The following SYNE2 variants were observed in gnomAD, a reference collection of about 807,000 sequenced individuals.
SYNE2 encodes the protein spectrin repeat containing nuclear envelope protein 2.
In SYNE2, 431 loss-of-function variants were observed where a neutral mutation model predicts 856.3. The observed-to-expected ratio is 0.50, with a 90% CI of 0.47 to 0.55. The LOEUF (loss-of-function observed/expected upper bound fraction) is 0.55. Ranked by LOEUF, SYNE2 falls within the 20% of genes least tolerant of loss-of-function variation. The pLI, the probability that SYNE2 is intolerant of heterozygous loss-of-function variation, is 0.00. For synonymous variants in SYNE2, 2,923 were observed against 2,872.3 expected, an observed-to-expected ratio of 1.02 and a Z score of -0.56; for missense variants, 8,129 against 8,023.2, an observed-to-expected ratio of 1.01 and a Z score of -0.50.
chr14:64,163,710 C>T (rs1595921954), intron 89 of SYNE2, 129 bp downstream of exon 89: 2 of 992,728 alleles, frequency 2.0e-6, no homozygotes, highest in African/African-American at 3.2e-5. Flanking sequence ...GAAGCTGCTC[C>T]CAAATGTATA....
chr14:63,851,115 C>A (rs113138960), upstream of SYNE2, among the ~76,000 whole-genome samples: 1 of 152,158 alleles, frequency 6.6e-6, no homozygotes, highest in Non-Finnish European at 1.5e-5. Context: ...GTAATCCCAG[C>A]GCTTGGGGAG....
chr14:64,192,132 C>A (rs1225227183), intron 99 of SYNE2, among the ~76,000 whole-genome samples: 1 of 152,164 alleles, frequency 6.6e-6, no homozygotes, highest in Non-Finnish European at 1.5e-5. Context: ...AGAGGTCTTT[C>A]CCTAGTGAGG....
At chr14:64,192,783 C>T (rs912227844) in intron 99 of SYNE2, among the ~76,000 whole-genome samples, 2 of 152,206 alleles carry the variant, frequency 1.3e-5, no homozygotes, top group African/African-American at 4.8e-5. Flanking sequence ...GGCAGTGTCA[C>T]TTCCCTGACA....
At chr14:63,817,217 T>C (rs1410373311) in intron 1 of SYNE2, among the ~76,000 whole-genome samples, 2 of 152,238 alleles carry the variant, frequency 1.3e-5, no homozygotes, top group Non-Finnish European at 2.9e-5. Context: ...CCCAGCACTT[T>C]AGGAGTCCGA....
chr14:63,960,886 T>TA, intron 8 of SYNE2: 1 of 599,786 alleles, frequency 1.7e-6, no homozygotes, highest in Non-Finnish European at 3.0e-6. Flanking sequence ...CTAAAAAAAA[T>TA]AAAAAATAAG....
chr14:63,941,179 C>G (rs2095910007), intron 3 of SYNE2, among the ~76,000 whole-genome samples: 1 of 152,208 alleles, frequency 6.6e-6, no homozygotes, highest in African/African-American at 2.4e-5. Context: ...TGAACCCAGA[C>G]AGTCTGGACT....
In SYNE2 at chr14:64,113,470, G is replaced by A. The variant is rs886050590; in HGVS notation, c.12739G>A (p.Glu4247Lys). ...VLHACKTQVA[E>K]LELWLQQANV... is the part of the protein sequence containing the mutation. ...GCATGCCTGCAAGACCCAGGTGGCC[G>A]AGCTGGAGCTGTGGCTGCAACAAGC... The change falls in exon 66 of 116, where the codon GAG (glutamate) becomes AAG (lysine). Residue 4247 changes from glutamate (E) to lysine (K), a missense_variant. Glu to Lys is a moderately conservative substitution (Grantham distance 56). Transcript: ENST00000555002. 7.4e-6 allele frequency: 12 copies of A among 1,614,028 alleles called. No homozygotes were observed. Among genetic ancestry groups the A allele is most frequent in the African/African-American group, 4.0e-5 (3 of 74,934 alleles).
chr14:64,107,180 A>T (rs949654431), intron 64 of SYNE2, among the ~76,000 whole-genome samples: 3 of 152,222 alleles, frequency 2.0e-5, no homozygotes, highest in African/African-American at 7.2e-5. Context: ...TCATAAGGAC[A>T]TACTTTTAAA....
intron 49 of SYNE2, among the ~76,000 whole-genome samples, chr14:64,059,392 A>G (rs1316959129): frequency 6.6e-6 from 1 of 152,192 alleles, no homozygotes; most frequent in Non-Finnish European, 1.5e-5. Flanking sequence ...AGGATACCCC[A>G]AGCCTAATAA....
chr14:63,813,881 G>A (rs530580674), intron 1 of SYNE2, among the ~76,000 whole-genome samples: 27 of 152,122 alleles, frequency 1.8e-4, no homozygotes, highest in African/African-American at 3.6e-4. Flanking sequence ...GTGAAACCAC[G>A]CCTCTACTAA....
chr14:64,070,936 G>A (rs1567209989), intron 52 of SYNE2, 26 bp downstream of exon 52: 2 of 1,613,300 alleles, frequency 1.2e-6, no homozygotes, highest in African/African-American at 2.7e-5. Flanking sequence ...AACTATTAAG[G>A]ACGTGTGCTT....
intron 1 of SYNE2, among the ~76,000 whole-genome samples, chr14:63,871,640 C>T (rs1380413310): frequency 6.7e-6 from 1 of 149,460 alleles, no homozygotes; most frequent in Non-Finnish European, 1.5e-5. Context: ...GACAGGGTCT[C>T]ACTGTGAGAA....
chr14:64,087,523 T>G lies in SYNE2; in HGVS notation c.11485-148T>G, dbSNP rs749525505. 5.9e-6 allele frequency: 5 copies of G among 842,688 alleles called. No homozygotes were observed. In the South Asian group the frequency reaches 6.7e-5, roughly 11 times the overall value. The allele number at this position is 842,688 out of a possible 1,614,324, so 52.2% of individuals were successfully genotyped here. On this transcript the variant is annotated intron_variant, in intron 57 of 115. Transcript: ENST00000555002. ...TGAAGTCTTTCACTGTCATTGACAA[T>G]AGAGGGTGTTCTGTTTTCATTATCG...
intron 1 of SYNE2, among the ~76,000 whole-genome samples, chr14:63,783,163 A>G (rs1405048245): frequency 6.6e-6 from 1 of 152,120 alleles, no homozygotes; most frequent in East Asian, 1.9e-4. Flanking sequence ...CTCCCATGCT[A>G]TTCTCATGAT....
chr14:63,892,729 CTTTTTTTT>C (rs11293385), intron 1 of SYNE2, among the ~76,000 whole-genome samples: 1 of 130,238 alleles, frequency 7.7e-6, no homozygotes, highest in Admixed American at 7.8e-5. Context: ...GGTGTACTTT[CTTTTTTTT>C]TTTTTTTTTG....
At position 64,055,938 on chromosome 14, in the gene SYNE2, C is replaced by T. The variant is rs1379820928; in HGVS notation, c.9745-6C>T. ...TTGTCACAGCATTTAATCTCCTATTCACTAGAATGTCTTGAATGATGCTTA... is the reference window on the plus strand; with the variant it reads ...TTGTCACAGCATTTAATCTCCTATTTACTAGAATGTCTTGAATGATGCTTA... On this transcript the variant is annotated splice_polypyrimidine_tract_variant and splice_region_variant and intron_variant, in intron 48 of 115. Transcript: ENST00000555002. The T allele has an allele frequency of 6.2e-7, 1 of 1,611,602 alleles. No individual in the cohort carries two copies. Among genetic ancestry groups the T allele is most frequent in the Non-Finnish European group, 8.5e-7 (1 of 1,178,158 alleles).
At chr14:64,207,782 A>G (rs961815129) in intron 100 of SYNE2, among the ~76,000 whole-genome samples, 3 of 151,850 alleles carry the variant, frequency 2.0e-5, no homozygotes, top group Non-Finnish European at 4.4e-5. Flanking sequence ...AGAAATTGGT[A>G]TATTATCAAA....
intron 30 of SYNE2, among the ~76,000 whole-genome samples, chr14:64,003,841 G>A (rs2096774038): frequency 6.6e-6 from 1 of 152,186 alleles, no homozygotes; most frequent in Non-Finnish European, 1.5e-5. Context: ...TAAAGTTAGT[G>A]TTGATTCTGG....
intron 115 of SYNE2, 41 bp from the exon 116 acceptor site, chr14:64,225,278 G>A (rs1368862584): frequency 6.2e-7 from 1 of 1,614,032 alleles, no homozygotes; most frequent in Non-Finnish European, 8.5e-7. Context: ...GGTTGTGCCT[G>A]TGGAGCCTCC....
Sources: gnomAD v4.1 joint callset for allele counts (sites outside exome capture counted in the v4.1 genomes callset) on GRCh38, gnomAD v4.1.1 for gene constraint, MANE v1.5 for transcripts, NCBI Gene and HGNC (gene_info 2026-07-23, HGNC 2026-07-21) for gene names.